Variants in CDH18 observed in about 807,000 individuals in gnomAD.
CDH18 encodes cadherin 18, also known as cadherin-18.
CDH18 carries 31 observed loss-of-function variants against 67.9 expected under a neutral mutation model. The ratio of observed to expected loss-of-function variants is 0.46; its 90% CI spans 0.34 to 0.62. CDH18 has a LOEUF of 0.62. Among genes scored for constraint, CDH18 ranks in the 20% least tolerant of loss-of-function variants. CDH18 has a pLI of 0.01. For missense variants in CDH18, 890 were observed against 975.5 expected, an observed-to-expected ratio of 0.91 and a Z score of 1.17; for synonymous variants, 362 against 347.2, an observed-to-expected ratio of 1.04 and a Z score of -0.48.
At chr5:19,518,592 G>T (rs371092659) in intron 10 of CDH18, among the ~76,000 whole-genome samples, 2 of 152,098 alleles carry the variant, frequency 1.3e-5, no homozygotes, top group Non-Finnish European at 2.9e-5. Context: ...TCCGGCCCTC[G>T]TCTTTTTCCT....
intron 1 of CDH18, among the ~76,000 whole-genome samples, chr5:20,559,347 G>GT: frequency 6.6e-6 from 1 of 152,036 alleles, no homozygotes; most frequent in East Asian, 1.9e-4. Flanking sequence ...TAAGCAGGTA[G>GT]TATGGGATCA....
At chr5:20,007,043 A>C (rs115369044) in intron 2 of CDH18, among the ~76,000 whole-genome samples, 2,320 of 152,082 alleles carry the variant, frequency 0.015, 66 homozygotes, top group African/African-American at 0.053. Flanking sequence ...TCATTTCAAA[A>C]TTGATTCACT....
At chr5:19,661,714 T>C (rs1267071042) in intron 5 of CDH18, among the ~76,000 whole-genome samples, 1 of 152,066 alleles carries the variant, frequency 6.6e-6, no homozygotes, top group Non-Finnish European at 1.5e-5. Context: ...TCAAAGTTAA[T>C]GCCATATTTT....
chr5:20,139,975 C>T (rs904328876), intron 2 of CDH18, among the ~76,000 whole-genome samples: 4 of 152,086 alleles, frequency 2.6e-5, no homozygotes, highest in African/African-American at 7.2e-5. Flanking sequence ...TGGGTATATA[C>T]CCAAAGGAGT....
At chr5:19,477,381 CAATTATCATGTGGACAAACA>C (rs958482732) in intron 12 of CDH18, among the ~76,000 whole-genome samples, 7 of 151,024 alleles carry the variant, frequency 4.6e-5, no homozygotes, top group Admixed American at 3.3e-4. Flanking sequence ...ACTCCATAAA[CAATTATCATGTGGACAAACA>C]AAAAAAAAAT....
Position 20,334,749 on chromosome 5 carries a change from C to CT in CDH18, c.-579-79245dup, listed in dbSNP as rs1292301588. Among the ~76,000 whole-genome samples, 13 of 118,274 alleles carry CT rather than the reference C, an allele frequency of 1.1e-4. No individual in the cohort carries two copies. The East Asian group carries it at 2.1e-3, about 19-fold the overall frequency. The allele number at this position is 118,274 out of a possible 152,430, so 77.6% of individuals were successfully genotyped here. ...CTATGATCTCTCTCTCTCTCTCTCT[C>CT]TCATACACACACACACACACACACA... On this transcript the variant is annotated intron_variant, in intron 1 of 14. Transcript: ENST00000507958.
intron 1 of CDH18, among the ~76,000 whole-genome samples, chr5:20,536,250 G>A (rs188054213): frequency 1.9e-4 from 29 of 151,926 alleles, no homozygotes; most frequent in African/African-American, 6.0e-4. Flanking sequence ...ATTTTTTATC[G>A]ATTATAAAAT....
chr5:19,968,859 A>G (rs1335346404), intron 2 of CDH18, among the ~76,000 whole-genome samples: 1 of 144,598 alleles, frequency 6.9e-6, no homozygotes, highest in African/African-American at 2.9e-5. Flanking sequence ...TAATTAAACT[A>G]AAGAGCTTCT....
At chr5:20,035,528 G>T (rs1186048711) in intron 2 of CDH18, among the ~76,000 whole-genome samples, 1 of 151,954 alleles carries the variant, frequency 6.6e-6, no homozygotes, top group Non-Finnish European at 1.5e-5. Context: ...CATCTTACAT[G>T]GTGGCAGGTG....
At chr5:20,508,024 T>C (rs915043928) in intron 1 of CDH18, among the ~76,000 whole-genome samples, 1 of 151,998 alleles carries the variant, frequency 6.6e-6, no homozygotes, top group African/African-American at 2.4e-5. Context: ...GGAAGAAAGT[T>C]ATCAAATAAA....
chr5:20,503,458 CAG>C (rs552123735), intron 1 of CDH18, among the ~76,000 whole-genome samples: 89 of 152,092 alleles, frequency 5.9e-4, no homozygotes, highest in Non-Finnish European at 1.1e-3. Flanking sequence ...TTATCAGTCA[CAG>C]AGTTAATCAT....
intron 1 of CDH18, among the ~76,000 whole-genome samples, chr5:20,421,681 G>T (rs1747871319): frequency 6.6e-6 from 1 of 150,692 alleles, no homozygotes; most frequent in South Asian, 2.1e-4. Flanking sequence ...GATTTCACAG[G>T]TAAGTATCTT....
At chr5:19,856,592 TAA>T (rs1227522384) in intron 2 of CDH18, among the ~76,000 whole-genome samples, 2 of 151,950 alleles carry the variant, frequency 1.3e-5, no homozygotes, top group African/African-American at 2.4e-5. Context: ...GGTTTAAAAA[TAA>T]AGTCTTCAAA....
At chr5:20,064,916 T>C (rs1156282243) in intron 2 of CDH18, among the ~76,000 whole-genome samples, 2 of 152,044 alleles carry the variant, frequency 1.3e-5, no homozygotes, top group African/African-American at 4.8e-5. Flanking sequence ...TATATGTTTA[T>C]ATAAGTAAGT....
intron 2 of CDH18, among the ~76,000 whole-genome samples, chr5:20,016,051 A>C (rs970957439): frequency 2.0e-5 from 3 of 152,152 alleles, no homozygotes; most frequent in East Asian, 3.8e-4. Context: ...AGCCAAAACA[A>C]TGAATCAATC....
At chr5:20,044,122 A>G (rs1740694846) in intron 2 of CDH18, among the ~76,000 whole-genome samples, 1 of 152,150 alleles carries the variant, frequency 6.6e-6, no homozygotes. Context: ...ATTTCACAAC[A>G]ATTTGTATTT....
chr5:19,721,028 C>A (rs941632757), intron 5 of CDH18, among the ~76,000 whole-genome samples: 1 of 152,096 alleles, frequency 6.6e-6, no homozygotes, highest in African/African-American at 2.4e-5. Context: ...TTGAAAATCT[C>A]ACTCAATGTT....
chr5:20,080,071 C>T (rs545339053), intron 2 of CDH18, among the ~76,000 whole-genome samples: 1 of 152,144 alleles, frequency 6.6e-6, no homozygotes, highest in South Asian at 2.1e-4. Context: ...TGGGGGAACG[C>T]AAATATTCAG....
intron 5 of CDH18, among the ~76,000 whole-genome samples, chr5:19,664,020 G>A (rs1021550346): frequency 6.6e-6 from 1 of 151,718 alleles, no homozygotes; most frequent in Non-Finnish European, 1.5e-5. Context: ...TATTAAAATA[G>A]TACTGTGCAA....
Sources: gnomAD v4.1 joint callset for allele counts (sites outside exome capture counted in the v4.1 genomes callset) on GRCh38, gnomAD v4.1.1 for gene constraint, MANE v1.5 for transcripts, NCBI Gene and HGNC (gene_info 2026-07-23, HGNC 2026-07-21) for gene names.